DNAH6: variants seen among roughly 807,000 people sequenced by gnomAD.
DNAH6 encodes axonemal beta dynein heavy chain 6.
In DNAH6, 340 loss-of-function variants were observed where a neutral mutation model predicts 491.4. That is an observed-to-expected ratio of 0.69 (90% CI 0.63 to 0.76). The LOEUF (loss-of-function observed/expected upper bound fraction) is 0.76. Among genes scored for constraint, DNAH6 ranks in the 30% least tolerant of loss-of-function variants. The pLI is 0.00. For missense variants in DNAH6, 4,443 were observed against 4,972.2 expected, an observed-to-expected ratio of 0.89 and a Z score of 3.20; for synonymous variants, 1,603 against 1,686.1, an observed-to-expected ratio of 0.95 and a Z score of 1.21.
chr2:84,812,565 T>C, intron 73 of DNAH6, 39 bp downstream of exon 73: 1 of 1,519,412 alleles, frequency 6.6e-7, no homozygotes, highest in South Asian at 1.2e-5. Flanking sequence ...ATGAATCTGA[T>C]GGCATAGTTG....
At chr2:84,655,987 C>T (rs1226152988) in intron 35 of DNAH6, among the ~76,000 whole-genome samples, 1 of 152,118 alleles carries the variant, frequency 6.6e-6, no homozygotes, top group African/African-American at 2.4e-5. Context: ...CCCCTGCAAC[C>T]ACTGATCTTT....
chr2:84,635,654 A>G (rs1045990455), intron 30 of DNAH6, among the ~76,000 whole-genome samples: 1 of 152,228 alleles, frequency 6.6e-6, no homozygotes, highest in African/African-American at 2.4e-5. Context: ...GAGCAGCTAC[A>G]TGAGGACAGA....
intron 64 of DNAH6, among the ~76,000 whole-genome samples, chr2:84,779,096 G>GA (rs1324144862): frequency 6.6e-6 from 1 of 152,110 alleles, no homozygotes; most frequent in East Asian, 1.9e-4. Context: ...ACATACAGAT[G>GA]AAAAAAATGT....
chr2:84,521,041 A>T (rs889990019), intron 2 of DNAH6, among the ~76,000 whole-genome samples: 1 of 151,894 alleles, frequency 6.6e-6, no homozygotes, highest in Non-Finnish European at 1.5e-5. Context: ...ATTATTTGTC[A>T]TATTACAAAT....
At chr2:84,504,346 A>G in the DNAH6 span, among the ~76,000 whole-genome samples, 1 of 152,136 alleles carries the variant, frequency 6.6e-6, no homozygotes, top group African/African-American at 2.4e-5. Context: ...TTTCCTCAAC[A>G]CAGCTATTTT....
At chr2:84,611,484 A>C (rs1051252976) in intron 21 of DNAH6, among the ~76,000 whole-genome samples, 190 bp from the exon 22 acceptor site, 2 of 152,078 alleles carry the variant, frequency 1.3e-5, no homozygotes, top group African/African-American at 4.8e-5. Context: ...CTCAGTAGAC[A>C]GTGGGATGAA....
chr2:84,589,989 A>G (rs1683951420), intron 16 of DNAH6, among the ~76,000 whole-genome samples: 1 of 152,076 alleles, frequency 6.6e-6, no homozygotes, highest in African/African-American at 2.4e-5. Context: ...CAGATGGATG[A>G]CCAGAAAGTG....
intron 3 of DNAH6, among the ~76,000 whole-genome samples, chr2:84,526,157 A>G (rs945831668): frequency 1.3e-5 from 2 of 152,138 alleles, no homozygotes; most frequent in Non-Finnish European, 2.9e-5. Flanking sequence ...CTTGAAAGGC[A>G]TAAAGAAATG....
intron 29 of DNAH6, among the ~76,000 whole-genome samples, chr2:84,625,948 C>G (rs1407004009): frequency 6.6e-6 from 1 of 152,136 alleles, no homozygotes; most frequent in Non-Finnish European, 1.5e-5. Flanking sequence ...TTGAACTACA[C>G]CAAAACTTGA....
intron 30 of DNAH6, among the ~76,000 whole-genome samples, chr2:84,635,982 T>C: frequency 6.6e-6 from 1 of 152,134 alleles, no homozygotes. Context: ...TCACTATTAA[T>C]CCCAGAATCT....
At chr2:84,490,115 C>G in the DNAH6 span, among the ~76,000 whole-genome samples, 3 of 152,090 alleles carry the variant, frequency 2.0e-5, no homozygotes. Context: ...GACTTTTTGG[C>G]CTGAAGCAGC....
At chr2:84,735,402 T>C (rs752135619) in intron 62 of DNAH6, among the ~76,000 whole-genome samples, 4 of 152,222 alleles carry the variant, frequency 2.6e-5, no homozygotes, top group Non-Finnish European at 4.4e-5. Flanking sequence ...TTCCTTTGGG[T>C]ATATACCCAG....
chr2:84,618,600 C>T (rs1327128478), intron 23 of DNAH6, among the ~76,000 whole-genome samples: 4 of 147,900 alleles, frequency 2.7e-5, no homozygotes, highest in African/African-American at 7.7e-5. Flanking sequence ...AAAAAGGACC[C>T]GTGATTGGAA....
chr2:84,710,117 ATT>A (rs948698011), intron 55 of DNAH6, among the ~76,000 whole-genome samples, 168 bp from the exon 56 acceptor site: 50 of 152,304 alleles, frequency 3.3e-4, no homozygotes, highest in African/African-American at 1.2e-3. Flanking sequence ...AGTCCCAAAC[ATT>A]GGGCTTAAAA....
At chr2:84,467,954 A>C in the DNAH6 span, among the ~76,000 whole-genome samples, 1 of 152,204 alleles carries the variant, frequency 6.6e-6, no homozygotes, top group South Asian at 2.1e-4. Flanking sequence ...ATTTAGACTA[A>C]ATGTTTTTCT....
the DNAH6 span, among the ~76,000 whole-genome samples, chr2:84,484,245 T>G: frequency 6.6e-6 from 1 of 152,142 alleles, no homozygotes; most frequent in Non-Finnish European, 1.5e-5. Context: ...ACATCATCCC[T>G]TAGGTCCCTA....
chr2:84,665,101 G>T (rs1312745903), intron 37 of DNAH6, among the ~76,000 whole-genome samples: 4 of 152,196 alleles, frequency 2.6e-5, no homozygotes, highest in Admixed American at 6.5e-5. Context: ...TTAAAGCAGT[G>T]TGTAGAGGGA....
intron 20 of DNAH6, 128 bp from the exon 21 acceptor site, chr2:84,606,848 G>A (rs1362360485): frequency 2.6e-5 from 24 of 936,568 alleles, no homozygotes; most frequent in Non-Finnish European, 3.8e-5. Flanking sequence ...GTAGGAAACA[G>A]TAAGAGGGGC....
chr2:84,768,953 G>A (rs1231941508), intron 64 of DNAH6, among the ~76,000 whole-genome samples: 1 of 152,246 alleles, frequency 6.6e-6, no homozygotes, highest in Non-Finnish European at 1.5e-5. Context: ...TATGTGCTAT[G>A]GTGAGTTGAG....
Sources: allele counts gnomAD v4.1 joint callset (sites outside exome capture counted in the v4.1 genomes callset), GRCh38; gene constraint gnomAD v4.1.1; transcripts MANE v1.5; gene names NCBI Gene and HGNC (gene_info 2026-07-23, HGNC 2026-07-21).